Variants in HEG1 observed in about 807,000 individuals in gnomAD.
HEG1 encodes heart development protein with EGF like domains 1.
Under a neutral mutation model 125.6 loss-of-function variants are expected in HEG1, and 56 were observed. The observed-to-expected ratio is 0.45, with a 90% CI of 0.36 to 0.56. The LOEUF (loss-of-function observed/expected upper bound fraction) is 0.56. Ranked by LOEUF, HEG1 falls within the 20% of genes least tolerant of loss-of-function variation. The probability of loss-of-function intolerance (pLI) is 0.00; values close to 1 mark genes in which losing one functional copy is unlikely to be tolerated. For missense variants in HEG1, 1,523 were observed against 1,670.0 expected, an observed-to-expected ratio of 0.91 and a Z score of 1.53; for synonymous variants, 644 against 668.5, an observed-to-expected ratio of 0.96 and a Z score of 0.57.
intron 9 of HEG1, among the ~76,000 whole-genome samples, 192 bp from the exon 10 acceptor site, chr3:125,002,507 G>A (rs1937016185): frequency 6.6e-6 from 1 of 152,196 alleles, no homozygotes; most frequent in Non-Finnish European, 1.5e-5. Flanking sequence ...TGAGTACAAA[G>A]AGAAAGAGGC....
chr3:125,042,665 A>G (rs1937602924), intron 1 of HEG1, among the ~76,000 whole-genome samples: 1 of 152,150 alleles, frequency 6.6e-6, no homozygotes, highest in African/African-American at 2.4e-5. Context: ...TTAGAAACTC[A>G]TCCTCCCTTC....
intron 1 of HEG1, among the ~76,000 whole-genome samples, chr3:125,041,465 G>C (rs1290340788): frequency 6.6e-6 from 1 of 152,216 alleles, no homozygotes; most frequent in African/African-American, 2.4e-5. Context: ...ATGCTGGCGA[G>C]GATATGGAGA....
chr3:125,050,038 A>C (rs936124549), intron 1 of HEG1, among the ~76,000 whole-genome samples: 2 of 152,090 alleles, frequency 1.3e-5, no homozygotes, highest in African/African-American at 4.8e-5. Flanking sequence ...GGCCTCTTCA[A>C]GTCCTTTTCT....
intron 1 of HEG1, among the ~76,000 whole-genome samples, chr3:125,051,823 C>G: frequency 6.6e-6 from 1 of 152,308 alleles, no homozygotes; most frequent in African/African-American, 2.4e-5. Context: ...TTCTGAGTGT[C>G]TCTGGACAAG....
chr3:124,981,893 T>C (rs1049740058), intron 14 of HEG1, among the ~76,000 whole-genome samples: 2 of 150,220 alleles, frequency 1.3e-5, no homozygotes, highest in African/African-American at 4.9e-5. Context: ...CTTGACATTG[T>C]GTATATATAC....
At position 125,014,621 on chromosome 3, in the gene HEG1, C is replaced by T. The variant is rs554476709; in HGVS notation, c.1589-631G>A. 3 of 1,087,046 alleles carry T rather than the reference C, an allele frequency of 2.8e-6. No individual in the cohort carries two copies. The African/African-American group carries it at 4.9e-5, about 18-fold the overall frequency. The allele number at this position is 1,087,046 out of a possible 1,614,324, so 67.3% of individuals were successfully genotyped here. A position where few individuals can be genotyped will look rare whatever the true frequency, so the allele number is the denominator to read the frequency against. On this transcript the variant is annotated intron_variant, in intron 5 of 16. Coordinates refer to ENST00000311127, the MANE Select transcript of HEG1 (RefSeq NM_020733.2). ...AAAGAGCTTGTAAGGCACTTTCTGG[C>T]TTGACAGCTAACTGAATCATCCCAG...
intron 1 of HEG1, among the ~76,000 whole-genome samples, chr3:125,041,017 T>A (rs1206001094): frequency 1.3e-5 from 2 of 152,198 alleles, no homozygotes; most frequent in Non-Finnish European, 2.9e-5. Flanking sequence ...GCTCAGTACA[T>A]AAGTCACCTG....
intron 11 of HEG1, among the ~76,000 whole-genome samples, chr3:124,999,858 G>A (rs1936976112): frequency 6.6e-6 from 1 of 152,210 alleles, no homozygotes; most frequent in South Asian, 2.1e-4. Flanking sequence ...TTCCATGGGG[G>A]ATTTCCAAAG....
intron 5 of HEG1, 32 bp downstream of exon 5, chr3:125,019,230 G>A (rs771900709): frequency 2.6e-6 from 4 of 1,548,960 alleles, no homozygotes; most frequent in Non-Finnish European, 2.7e-6. Context: ...TCTCCTCTAT[G>A]GGGCACAGTT....
chr3:124,988,934 A>G (rs978308405), intron 14 of HEG1, among the ~76,000 whole-genome samples: 3 of 152,164 alleles, frequency 2.0e-5, no homozygotes, highest in African/African-American at 4.8e-5. Flanking sequence ...AGAAAAACAA[A>G]TATCAATTCT....
Position 125,027,475 on chromosome 3 carries a change from A to G in HEG1, c.643T>C (p.Ser215Pro). The change falls in exon 3 of 17, where the codon TCA becomes CCA. Residue 215 changes from serine (S) to proline (P), a missense_variant. Transcript: ENST00000311127. Reference sequence around the variant, plus strand: ...GCGGCAATTCTTTCATCGAACTCTGAACTGCTGGATGGCAGGTGAAGACTT... The same window carrying G: ...GCGGCAATTCTTTCATCGAACTCTGGACTGCTGGATGGCAGGTGAAGACTT... ...SESLHLPSSS[S>P]EFDERIAAFQ... 1 of 1,612,566 alleles carries G rather than the reference A, an allele frequency of 6.2e-7. No individual in the cohort carries two copies. Among genetic ancestry groups the G allele is most frequent in the Non-Finnish European group, 8.5e-7 (1 of 1,179,222 alleles).
Position 124,973,891 on chromosome 3 carries a change from T to C in HEG1, c.3836A>G (p.Asp1279Gly), listed in dbSNP as rs772253776. ...IVTCCRKNKN[D>G]ISKLIFKSGD... ...ACTTTTGAAGATGAGTTTGCTTATGTCATTTTTATTCTTTCTGTGGGATAC... is the reference window on the plus strand; with the variant it reads ...ACTTTTGAAGATGAGTTTGCTTATGCCATTTTTATTCTTTCTGTGGGATAC... The change falls in exon 16 of 17, where the codon GAC (aspartate) becomes GGC (glycine). Residue 1279 changes from aspartate to glycine, a missense_variant. Transcript: ENST00000311127. 1 of 1,610,762 alleles carries C rather than the reference T, an allele frequency of 6.2e-7. No homozygotes were observed. Among genetic ancestry groups the C allele is most frequent in the South Asian group, 1.1e-5 (1 of 90,592 alleles).
intron 6 of HEG1, among the ~76,000 whole-genome samples, chr3:125,011,792 C>G (rs1160590910): frequency 6.6e-6 from 1 of 152,216 alleles, no homozygotes; most frequent in Admixed American, 6.5e-5. Context: ...TTTCACTCCT[C>G]CAACAGCAGT....
At chr3:125,022,546 G>A (rs1204316845) in intron 3 of HEG1, among the ~76,000 whole-genome samples, 1 of 151,868 alleles carries the variant, frequency 6.6e-6, no homozygotes, top group African/African-American at 2.4e-5. Flanking sequence ...TGAAGATGCA[G>A]GCAATCTATA....
In HEG1 at chr3:124,977,871, A is replaced by T. The variant is rs1196588385; in HGVS notation, c.3809T>A (p.Val1270Asp). ...LLLILGIALIVTCCRKNKNDI... is the reference protein window; with the variant it reads ...LLLILGIALIDTCCRKNKNDI... ...TCTCATCACTTACCTGCAACAGGTA[A>T]CAATCAGTGCGATGCCTAGGATGAG... Residue 1270 changes from valine (V) to aspartate (D), a missense_variant, in exon 15 of 17, where the codon GTT becomes GAT. Physicochemically the swap from Val to Asp is radical, Grantham distance 152. Transcript: ENST00000311127. 6.4e-7 allele frequency: 1 copy of T among 1,570,092 alleles called. No homozygotes were observed. Among genetic ancestry groups the T allele is most frequent in the African/African-American group, 1.4e-5 (1 of 73,984 alleles).
intron 9 of HEG1, among the ~76,000 whole-genome samples, chr3:125,005,062 T>C (rs1189997650): frequency 6.6e-6 from 1 of 152,220 alleles, no homozygotes; most frequent in Non-Finnish European, 1.5e-5. Flanking sequence ...TGAGGACACA[T>C]TTGAAGAAAC....
At chr3:125,044,932 C>T (rs1232427338) in intron 1 of HEG1, among the ~76,000 whole-genome samples, 1 of 152,002 alleles carries the variant, frequency 6.6e-6, no homozygotes, top group East Asian at 1.9e-4. Flanking sequence ...GAATTCAGCG[C>T]TCTGATACGA....
intron 3 of HEG1, among the ~76,000 whole-genome samples, chr3:125,023,632 T>G (rs142931308): frequency 6.0e-5 from 9 of 151,090 alleles, no homozygotes; most frequent in African/African-American, 2.2e-4. Context: ...AAACACCACT[T>G]ATATTACTAA....
At chr3:124,977,061 C>T (rs1039353413) in intron 15 of HEG1, among the ~76,000 whole-genome samples, 2 of 124,802 alleles carry the variant, frequency 1.6e-5, no homozygotes, top group Non-Finnish European at 3.3e-5. Context: ...CTTTCCCATG[C>T]TGTTCTCATG....
Sources: allele counts gnomAD v4.1 joint callset (sites outside exome capture counted in the v4.1 genomes callset), GRCh38; gene constraint gnomAD v4.1.1; transcripts MANE v1.5; gene names NCBI Gene and HGNC (gene_info 2026-07-23, HGNC 2026-07-21).